The following PLIN2 variants were observed in gnomAD, a reference collection of about 807,000 sequenced individuals.
PLIN2 encodes the protein perilipin 2.
Under a neutral mutation model 30.6 loss-of-function variants are expected in PLIN2, and 33 were observed. The ratio of observed to expected loss-of-function variants is 1.08; its 90% CI spans 0.82 to 1.44. The LOEUF (loss-of-function observed/expected upper bound fraction) is 1.44. Among genes scored for constraint, PLIN2 ranks in the 40% most tolerant of loss-of-function variants. The pLI is 0.00. For missense variants in PLIN2, 610 were observed against 531.8 expected (o/e 1.15, Z -1.45); for synonymous variants, 205 against 201.1 (o/e 1.02, Z -0.16).
intron 2 of PLIN2, chr9:19,108,809 C>G (rs1036722945): frequency 3.9e-5 from 6 of 152,592 alleles, no homozygotes; most frequent in African/African-American, 1.4e-4. Flanking sequence ...TCAGGTCCAT[C>G]TGAGCTCATG....
At chr9:19,113,310 G>C (rs970935053), downstream of PLIN2, among the ~76,000 whole-genome samples, 2 of 151,594 alleles carry the variant, frequency 1.3e-5, no homozygotes, top group African/African-American at 2.4e-5. Context: ...CTCCAGCCTG[G>C]ACAACAGAGC....
At chr9:19,123,331 A>G in intron 4 of PLIN2, 4 of 1,546,918 alleles carry the variant, frequency 2.6e-6, no homozygotes, top group Middle Eastern at 3.3e-4. Flanking sequence ...AAACTGATAG[A>G]CAACACACTA....
rs372188017 is a variant in PLIN2 at position 19,109,371 on chromosome 9, G to A, written n.418-624C>T. ...AGATCGAGACCATCCTGGCTAACAC[G>A]GTGGAACGCTGTCTCTACTAAAAAT... is the stretch of plus-strand genomic sequence containing the variant. On this transcript the variant is annotated intron_variant and non_coding_transcript_variant, in intron 2 of 2. Transcript: ENST00000464326. 4.2e-4 allele frequency among the ~76,000 whole-genome samples: 63 copies of A among 151,106 alleles called. No individual in the cohort carries two copies. In the East Asian group the frequency reaches 8.3e-3, roughly 20 times the overall value.
At chr9:19,113,320 C>T (rs1294126434), downstream of PLIN2, among the ~76,000 whole-genome samples, 1 of 151,010 alleles carries the variant, frequency 6.6e-6, no homozygotes, top group Non-Finnish European at 1.5e-5. Context: ...GACAACAGAG[C>T]AAGACTCTGC....
At chr9:19,126,089 T>A in intron 3 of PLIN2, 25 bp downstream of exon 3, 1 of 1,605,954 alleles carries the variant, frequency 6.2e-7, no homozygotes, top group Non-Finnish European at 8.5e-7. Context: ...TCCCTTGACT[T>A]GCATCTTGAA....
At chr9:19,123,151 G>A in intron 4 of PLIN2, 1 of 565,300 alleles carries the variant, frequency 1.8e-6, no homozygotes, top group Non-Finnish European at 3.1e-6. Context: ...GGACAGACAA[G>A]CCTATCATTT....
intron 2 of PLIN2, among the ~76,000 whole-genome samples, chr9:19,109,182 C>T (rs1478484921): frequency 6.6e-6 from 1 of 152,126 alleles, no homozygotes; most frequent in African/African-American, 2.4e-5. Context: ...CCTTTAGGGA[C>T]AAGAAACTCT....
Position 19,121,080 on chromosome 9 carries a change from C to T in PLIN2, c.395G>A (p.Ser132Asn), listed in dbSNP as rs1258336038. The T allele has an allele frequency of 1.9e-6, 3 of 1,614,154 alleles. No individual in the cohort carries two copies. Among genetic ancestry groups the T allele is most frequent in the Middle Eastern group, 3.3e-4 (2 of 6,062 alleles). ...TVTGAKDSVA[S>N]TITGVMDKTK... ...CTTGTCCATCACCCCTGTGATCGTGCTGGCCACAGAATCCTTGGCCCCAGT... is the reference window on the plus strand; with the variant it reads ...CTTGTCCATCACCCCTGTGATCGTGTTGGCCACAGAATCCTTGGCCCCAGT... The change falls in exon 5 of 8, where the codon AGC (serine) becomes AAC (asparagine). Residue 132 changes from serine (S) to asparagine (N), a missense_variant. Coordinates refer to ENST00000276914, the MANE Select transcript of PLIN2 (RefSeq NM_001122.4).
chr9:19,114,943 T>A (rs1351914707), downstream of PLIN2, among the ~76,000 whole-genome samples: 1 of 152,224 alleles, frequency 6.6e-6, no homozygotes, highest in Non-Finnish European at 1.5e-5. Context: ...TTAGTGACTT[T>A]TTCCCAAAAT....
downstream of PLIN2, among the ~76,000 whole-genome samples, chr9:19,113,169 C>T (rs1204065046): frequency 6.6e-6 from 1 of 151,822 alleles, no homozygotes; most frequent in African/African-American, 2.4e-5. Flanking sequence ...GTGGTGAAAC[C>T]CCATCTCTAC....
Position 19,120,987 on chromosome 9 carries a change from A to T in PLIN2, c.488T>A (p.Val163Asp), listed in dbSNP as rs767760277. The change falls in exon 5 of 8, where the codon GTC becomes GAC. Residue 163 changes from valine (V) to aspartate (D), a missense_variant. By Grantham distance (152) the Val-to-Asp change is radical. Coordinates refer to ENST00000276914, the MANE Select transcript of PLIN2 (RefSeq NM_001122.4). The part of the protein sequence containing the change: ...KSVVSGSINT[V>D]LGSRMMQLVS... ...GAGCTGCATCATCCGACTCCCCAAG[A>T]CTGTGTTAATGCTGCCACTGACCAC... 20 of 1,614,038 alleles carry T rather than the reference A, an allele frequency of 1.2e-5. No individual in the cohort carries two copies. In the South Asian group the frequency reaches 2.2e-4, roughly 18 times the overall value.
At chr9:19,109,400 A>G (rs554029609) in intron 2 of PLIN2, among the ~76,000 whole-genome samples, 22 of 152,008 alleles carry the variant, frequency 1.4e-4, no homozygotes, top group African/African-American at 5.1e-4. Flanking sequence ...TAAAAATACA[A>G]AAAGTTAGCC....
chr9:19,121,287 G>T, intron 4 of PLIN2, 122 bp from the exon 5 acceptor site: 1 of 850,618 alleles, frequency 1.2e-6, no homozygotes, highest in Non-Finnish European at 1.8e-6. Flanking sequence ...TCTCACTCTA[G>T]CTTTAGGTCT....
intron 3 of PLIN2, chr9:19,125,850 C>A (rs113496330): frequency 0.13 from 39,072 of 301,776 alleles, 2,999 homozygotes; most frequent in Admixed American, 0.17. Context: ...TTGAACCCAG[C>A]AGGCAGAGGT....
downstream of PLIN2, among the ~76,000 whole-genome samples, chr9:19,111,946 T>G (rs995576129): frequency 7.9e-5 from 12 of 152,154 alleles, no homozygotes; most frequent in Non-Finnish European, 1.6e-4. Context: ...AGTGGATGTA[T>G]TTTCCTAACC....
At chr9:19,121,761 G>A (rs1474421395) in intron 4 of PLIN2, among the ~76,000 whole-genome samples, 3 of 152,012 alleles carry the variant, frequency 2.0e-5, no homozygotes, top group East Asian at 1.9e-4. Context: ...GTGAAACCCC[G>A]TCTCTACTAA....
chr9:19,126,042 G>A (rs1028730974), intron 3 of PLIN2, 72 bp downstream of exon 3: 13 of 1,312,018 alleles, frequency 9.9e-6, no homozygotes, highest in South Asian at 2.6e-5. Context: ...AGTTCCAGAT[G>A]TTACTGCTGT....
At chr9:19,115,310 CTTT>C (rs796763566), downstream of PLIN2, among the ~76,000 whole-genome samples, 4 of 137,798 alleles carry the variant, frequency 2.9e-5, no homozygotes, top group African/African-American at 2.7e-5. Context: ...ATTTTCTTTT[CTTT>C]TTTTTTTTTT....
intron 7 of PLIN2, among the ~76,000 whole-genome samples, chr9:19,117,518 T>C (rs1367537086): frequency 6.6e-6 from 1 of 152,042 alleles, no homozygotes; most frequent in African/African-American, 2.4e-5. Flanking sequence ...ACCTAGTTTA[T>C]TCACCCATTA....
Sources: gnomAD v4.1 joint callset for allele counts (sites outside exome capture counted in the v4.1 genomes callset) on GRCh38, gnomAD v4.1.1 for gene constraint, MANE v1.5 for transcripts, NCBI Gene and HGNC (gene_info 2026-07-23, HGNC 2026-07-21) for gene names.